Variants in TENM3 observed in about 807,000 individuals in gnomAD.
TENM3 encodes the protein teneurin-3.
A neutral mutation model predicts 255.1 loss-of-function variants in TENM3; 63 were observed. The ratio of observed to expected loss-of-function variants is 0.25; its 90% CI spans 0.20 to 0.30. TENM3 has a LOEUF of 0.30. Among genes scored for constraint, TENM3 ranks in the 10% least tolerant of loss-of-function variants. TENM3 has a pLI of 1.00. For synonymous variants in TENM3, 1,306 were observed against 1,322.3 expected, an observed-to-expected ratio of 0.99 and a Z score of 0.27; for missense variants, 2,929 against 3,461.1, an observed-to-expected ratio of 0.85 and a Z score of 3.86.
intron 3 of TENM3, among the ~76,000 whole-genome samples, chr4:182,523,363 C>T (rs1386333488): frequency 6.6e-6 from 1 of 152,132 alleles, no homozygotes; most frequent in African/African-American, 2.4e-5. Flanking sequence ...TGCTTTTACC[C>T]TGTCAACCAA....
the TENM3 span, among the ~76,000 whole-genome samples, chr4:181,857,140 T>C: frequency 6.6e-6 from 1 of 152,074 alleles, no homozygotes; most frequent in Non-Finnish European, 1.5e-5. Context: ...TATTTTTTCA[T>C]ATTGGGTGAT....
At chr4:181,544,703 C>T in the TENM3 span, among the ~76,000 whole-genome samples, 1 of 152,166 alleles carries the variant, frequency 6.6e-6, no homozygotes, top group Non-Finnish European at 1.5e-5. Context: ...TTTGGATTAT[C>T]GGTGCCACCA....
At chr4:181,525,216 G>A in the TENM3 span, among the ~76,000 whole-genome samples, 1 of 151,946 alleles carries the variant, frequency 6.6e-6, no homozygotes, top group Non-Finnish European at 1.5e-5. Context: ...TTCCAGATCA[G>A]CTCAGCCAAC....
the TENM3 span, among the ~76,000 whole-genome samples, chr4:181,471,929 G>C: frequency 6.6e-6 from 1 of 152,144 alleles, no homozygotes; most frequent in African/African-American, 2.4e-5. Flanking sequence ...TGATCTAATG[G>C]TAATAAGCTG....
intron 3 of TENM3, among the ~76,000 whole-genome samples, chr4:182,476,360 G>A (rs1393392643): frequency 6.6e-6 from 1 of 152,144 alleles, no homozygotes; most frequent in East Asian, 1.9e-4. Context: ...TTTGGGTTTG[G>A]AGAGAAGAAA....
chr4:182,347,938 T>C (rs1764934854), intron 3 of TENM3, among the ~76,000 whole-genome samples: 1 of 152,206 alleles, frequency 6.6e-6, no homozygotes, highest in African/African-American at 2.4e-5. Flanking sequence ...ATATTTCAAT[T>C]TTATTATTTA....
chr4:182,628,413 T>C (rs1210636040), intron 4 of TENM3, among the ~76,000 whole-genome samples: 4 of 152,224 alleles, frequency 2.6e-5, no homozygotes, highest in Non-Finnish European at 5.9e-5. Context: ...ATCATTTATA[T>C]GTATAAATCC....
At chr4:182,057,676 C>G in the TENM3 span, among the ~76,000 whole-genome samples, 4 of 152,156 alleles carry the variant, frequency 2.6e-5, no homozygotes, top group South Asian at 4.1e-4. Context: ...GCTGGAATTA[C>G]AGGTGTGAGC....
At chr4:182,262,172 A>C (rs1421426784) in intron 1 of TENM3, among the ~76,000 whole-genome samples, 5 of 152,228 alleles carry the variant, frequency 3.3e-5, no homozygotes, top group Non-Finnish European at 5.9e-5. Context: ...TCATAGCTAC[A>C]TGGCATTTGT....
At chr4:182,062,700 C>G in the TENM3 span, among the ~76,000 whole-genome samples, 1 of 152,190 alleles carries the variant, frequency 6.6e-6, no homozygotes, top group African/African-American at 2.4e-5. Flanking sequence ...GACACATTCT[C>G]AGATTAACGG....
At chr4:182,126,929 A>G in the TENM3 span, among the ~76,000 whole-genome samples, 2 of 152,184 alleles carry the variant, frequency 1.3e-5, no homozygotes, top group South Asian at 4.1e-4. Context: ...AGTACATCAC[A>G]TTGCATAGCC....
the TENM3 span, among the ~76,000 whole-genome samples, chr4:181,459,183 A>C: frequency 6.6e-6 from 1 of 151,990 alleles, no homozygotes; most frequent in East Asian, 1.9e-4. Context: ...TGTGTTTATT[A>C]GTTATGGGAT....
At chr4:181,570,031 G>GTTTC in the TENM3 span, among the ~76,000 whole-genome samples, 1 of 131,504 alleles carries the variant, frequency 7.6e-6, no homozygotes, top group Non-Finnish European at 1.6e-5. Context: ...CCCTACAAAT[G>GTTTC]TTTCTTTTTT....
chr4:181,750,289 G>A, the TENM3 span, among the ~76,000 whole-genome samples: 493 of 152,222 alleles, frequency 3.2e-3, 2 homozygotes, highest in African/African-American at 0.011. Context: ...GGTGGACCAT[G>A]TCTTATTTGG....
chr4:181,635,915 G>A, the TENM3 span, among the ~76,000 whole-genome samples: 1 of 152,112 alleles, frequency 6.6e-6, no homozygotes, highest in Non-Finnish European at 1.5e-5. Context: ...GGCAACTGGG[G>A]GGAAATTACA....
At chr4:181,553,238 C>G in the TENM3 span, among the ~76,000 whole-genome samples, 1 of 146,770 alleles carries the variant, frequency 6.8e-6, no homozygotes, top group Non-Finnish European at 1.5e-5. Context: ...CCTGGCAAGT[C>G]AGGTCGCTAT....
the TENM3 span, among the ~76,000 whole-genome samples, chr4:181,495,855 T>C: frequency 8.1e-6 from 1 of 123,262 alleles, no homozygotes; most frequent in African/African-American, 3.1e-5. Context: ...AGCTAGAAAA[T>C]GCCCAGCAAA....
In TENM3 at chr4:182,799,593, C is replaced by A. The variant is rs772100535; in HGVS notation, c.7345-3C>A. The stretch of plus-strand genomic sequence containing the variant: ...CGCGCCCCCTCTTTTGTTTCGCCCG[C>A]AGCCCATCTTCGGAGTCCAGCAGCA... On this transcript the variant is annotated splice_polypyrimidine_tract_variant and splice_region_variant and intron_variant, in intron 27 of 27. Transcript: ENST00000511685. The surrounding 1 kb of genome is among the most constrained non-coding windows in gnomAD (Gnocchi z 4.2). The A allele has an allele frequency of 9.8e-6, 15 of 1,536,984 alleles. No individual in the cohort carries two copies. The South Asian group carries it at 1.7e-4, about 17-fold the overall frequency.
chr4:181,987,978 G>A, the TENM3 span, among the ~76,000 whole-genome samples: 1 of 151,962 alleles, frequency 6.6e-6, no homozygotes, highest in Non-Finnish European at 1.5e-5. Flanking sequence ...TGGAAACATG[G>A]GTAGGTTCGT....
Sources: allele counts gnomAD v4.1 joint callset (sites outside exome capture counted in the v4.1 genomes callset), GRCh38; gene constraint gnomAD v4.1.1; non-coding constraint Gnocchi (gnomAD v3.1); transcripts MANE v1.5; gene names NCBI Gene and HGNC (gene_info 2026-07-23, HGNC 2026-07-21).